PEX1: variants seen among roughly 807,000 people sequenced by gnomAD.
PEX1 encodes the protein peroxisomal ATPase PEX1.
In PEX1, 97 loss-of-function variants were observed where a neutral mutation model predicts 152.5. The observed-to-expected ratio is 0.64, with a 90% CI of 0.54 to 0.75. The LOEUF (loss-of-function observed/expected upper bound fraction) is 0.75, where lower values mean the gene tolerates loss of function less well. Ranked by LOEUF, PEX1 falls within the 30% of genes least tolerant of loss-of-function variation. The probability of loss-of-function intolerance (pLI) is 0.00; values close to 1 mark genes in which losing one functional copy is unlikely to be tolerated. For synonymous variants in PEX1, 485 were observed against 531.6 expected, an observed-to-expected ratio of 0.91 and a Z score of 1.21; for missense variants, 1,357 against 1,516.3, an observed-to-expected ratio of 0.89 and a Z score of 1.74.
rs1296643317 is a variant in PEX1 at position 92,517,568 on chromosome 7, G to A, written c.947C>T (p.Pro316Leu). 1 of 1,614,014 alleles carries A rather than the reference G, an allele frequency of 6.2e-7. No homozygotes were observed. The highest frequency in any genetic ancestry group is 1.7e-5 in the Admixed American group (1 of 60,004). Residue 316 changes from proline (P) to leucine (L), a missense_variant, in exon 5 of 24, where the codon CCA (proline) becomes CTA (leucine). Pro to Leu is a moderately conservative substitution (Grantham distance 98). Transcript: ENST00000248633. ...TACATCAAAATATTCCTGGTCCCAT[G>A]GAAATACATGAATGGCACAGTGTTT... The part of the protein sequence containing the change: ...FHKHCAIHVF[P>L]WDQEYFDVEP...
intron 6 of PEX1, among the ~76,000 whole-genome samples, chr7:92,512,372 G>A (rs558487196): frequency 6.6e-6 from 1 of 152,306 alleles, no homozygotes; most frequent in East Asian, 1.9e-4. Context: ...AGGCTGGAGT[G>A]CAGTGGCACA....
intron 11 of PEX1, among the ~76,000 whole-genome samples, chr7:92,505,287 C>G (rs999699951): frequency 1.1e-4 from 17 of 151,938 alleles, no homozygotes; most frequent in Admixed American, 4.6e-4. Context: ...GTGGCATGCA[C>G]CTGTAGTCCC....
At chr7:92,526,017 C>G (rs561516498) in intron 1 of PEX1, among the ~76,000 whole-genome samples, 1 of 152,236 alleles carries the variant, frequency 6.6e-6, no homozygotes, top group African/African-American at 2.4e-5. Flanking sequence ...ATAGAAGAAA[C>G]AGTGAGAACG....
chr7:92,499,967 G>A, intron 15 of PEX1, 129 bp from the exon 16 acceptor site: 1 of 708,180 alleles, frequency 1.4e-6, no homozygotes, highest in Non-Finnish European at 2.4e-6. Context: ...TTTAGTAACA[G>A]CAAGTACAAC....
intron 8 of PEX1, 33 bp from the exon 9 acceptor site, chr7:92,509,444 T>C (rs1792351674): frequency 2.1e-6 from 3 of 1,452,122 alleles, no homozygotes; most frequent in Non-Finnish European, 2.9e-6. Flanking sequence ...GTTTTACATT[T>C]CAAAGTATGT....
chr7:92,498,432 C>T (rs561170779), intron 16 of PEX1, among the ~76,000 whole-genome samples: 1 of 152,248 alleles, frequency 6.6e-6, no homozygotes, highest in Admixed American at 6.5e-5. Flanking sequence ...TTGCAGTAAG[C>T]CAAGATTGCA....
At chr7:92,504,616 CACAACACTTAACATAACACATATATT>C in intron 12 of PEX1, 90 bp downstream of exon 12, 2 of 1,093,030 alleles carry the variant, frequency 1.8e-6, no homozygotes, top group Non-Finnish European at 2.7e-6. Flanking sequence ...GGGCCTCAAA[CACAACACTTAACATAACACATATATT>C]ATTCTCTGAA....
At chr7:92,492,862 TA>T in intron 20 of PEX1, 90 bp downstream of exon 20, 2 of 1,012,934 alleles carry the variant, frequency 2.0e-6, no homozygotes, top group Non-Finnish European at 3.2e-6. Flanking sequence ...CAAAGTTGTT[TA>T]AAAAATAGCA....
chr7:92,518,654 T>G (rs1792916134), intron 3 of PEX1, among the ~76,000 whole-genome samples: 1 of 152,176 alleles, frequency 6.6e-6, no homozygotes, highest in Non-Finnish European at 1.5e-5. Context: ...ACTGCAGCCT[T>G]GACTTTACGG....
intron 1 of PEX1, among the ~76,000 whole-genome samples, chr7:92,523,269 T>C (rs1018207581): frequency 6.6e-6 from 1 of 152,194 alleles, no homozygotes; most frequent in South Asian, 2.1e-4. Context: ...TGTGTTCATA[T>C]AGGCACAATT....
chr7:92,494,534 A>G lies in PEX1; in HGVS notation c.2879T>C (p.Val960Ala), dbSNP rs144649949. Reference protein sequence around the residue: ...GHDNTGVTDRVVNQLLTQLDG... With the variant: ...GHDNTGVTDRAVNQLLTQLDG... The stretch of plus-strand genomic sequence containing the variant: ...CAACTGAGTCAGCAACTGGTTAACT[A>G]CTCGGTCTGTAACTCCTGTATTATC... Residue 960 changes from valine to alanine, a missense_variant, in exon 18 of 24, where the codon GTA becomes GCA. Physicochemically the swap from Val to Ala is moderately conservative, Grantham distance 64. Coordinates refer to ENST00000248633, the MANE Select transcript of PEX1 (RefSeq NM_000466.3). The G allele has an allele frequency of 2.2e-5, 35 of 1,613,742 alleles. No homozygotes were observed. Among genetic ancestry groups the G allele is most frequent in the Non-Finnish European group, 3.0e-5 (35 of 1,179,828 alleles).
intron 6 of PEX1, among the ~76,000 whole-genome samples, chr7:92,513,129 T>C (rs373554011): frequency 1.3e-5 from 2 of 152,214 alleles, no homozygotes; most frequent in Non-Finnish European, 2.9e-5. Flanking sequence ...CATATTTGCA[T>C]TGGCAAATAT....
chr7:92,498,721 C>T (rs1294613653), intron 16 of PEX1, among the ~76,000 whole-genome samples: 1 of 151,990 alleles, frequency 6.6e-6, no homozygotes, highest in African/African-American at 2.4e-5. Context: ...CTAGCATGCC[C>T]CTTAATTACC....
At chr7:92,498,812 A>G (rs1455954370) in intron 16 of PEX1, among the ~76,000 whole-genome samples, 1 of 152,240 alleles carries the variant, frequency 6.6e-6, no homozygotes, top group African/African-American at 2.4e-5. Context: ...CAAAAGTAAC[A>G]GAACCATAAA....
intron 15 of PEX1, among the ~76,000 whole-genome samples, chr7:92,500,943 C>G (rs1585230183): frequency 6.6e-6 from 1 of 152,200 alleles, no homozygotes; most frequent in Non-Finnish European, 1.5e-5. Flanking sequence ...ACTCTTCTAC[C>G]TCCTAGTTTA....
In PEX1 at chr7:92,487,472, T is replaced by C; in HGVS notation, c.3837A>G (p.Lys1279=). Residue 1279 remains lysine, a synonymous_variant, in exon 24 of 24, where the codon AAA becomes AAG. Coordinates refer to ENST00000248633, the MANE Select transcript of PEX1 (RefSeq NM_000466.3). ...QSGTMFRPGQ[K]VTLA is the part of the protein sequence containing the mutation. The stretch of plus-strand genomic sequence containing the variant: ...GAAGTATATTTTATGCTAAAGTTAC[T>C]TTCTGTCCAGGTCGAAACATTGTTC... The C allele has an allele frequency of 1.9e-6, 3 of 1,583,742 alleles. No individual in the cohort carries two copies. Among genetic ancestry groups the C allele is most frequent in the Non-Finnish European group, 2.6e-6 (3 of 1,155,644 alleles).
Position 92,511,165 on chromosome 7 carries a change from G to C in PEX1, c.1484-118C>G, listed in dbSNP as rs1048036232. ...ACTTTTTTTTTTTTCCCCCCAACAG[G>C]GTCTCACTCTGCTGCCCAGGCTGGA... On this transcript the variant is annotated intron_variant, in intron 7 of 23. Transcript: ENST00000248633. 4.7e-6 allele frequency: 3 copies of C among 632,890 alleles called. No individual in the cohort carries two copies. The South Asian group carries it at 5.8e-5, about 12-fold the overall frequency. 39.2% of individuals were successfully genotyped at this position (632,890 alleles called of 1,614,324 possible). A position where few individuals can be genotyped will look rare whatever the true frequency, so the allele number is the denominator to read the frequency against.
Position 92,528,499 on chromosome 7 carries a change from G to A in PEX1, c.-64C>T. On this transcript the variant is annotated 5_prime_UTR_variant, in exon 1 of 24. Coordinates refer to ENST00000248633, the MANE Select transcript of PEX1 (RefSeq NM_000466.3). ...CCGCAAAGGACCCGGGACCCGGCAG[G>A]CCGAGGACGTCGGAGCCGGAGGAGA... 6.7e-7 allele frequency: 1 copy of A among 1,494,514 alleles called. No individual in the cohort carries two copies. 92.6% of individuals were successfully genotyped at this position (1,494,514 alleles called of 1,614,324 possible). A position where few individuals can be genotyped will look rare whatever the true frequency, so the allele number is the denominator to read the frequency against.
chr7:92,519,431 CT>C (rs1370109129), intron 2 of PEX1, among the ~76,000 whole-genome samples: 1 of 152,154 alleles, frequency 6.6e-6, no homozygotes, highest in African/African-American at 2.4e-5. Flanking sequence ...ATTACTTATT[CT>C]TAGCCAAGAC....
Sources: allele counts gnomAD v4.1 joint callset (sites outside exome capture counted in the v4.1 genomes callset), GRCh38; gene constraint gnomAD v4.1.1; transcripts MANE v1.5; gene names NCBI Gene and HGNC (gene_info 2026-07-23, HGNC 2026-07-21).